Variants in NAA15 observed in about 807,000 individuals in gnomAD.
NAA15 encodes N-terminal acetyltransferase.
In NAA15, 34 loss-of-function variants were observed where a neutral mutation model predicts 114.0. The observed-to-expected ratio is 0.30, with a 90% CI of 0.23 to 0.40. The LOEUF is 0.40. Ranked by LOEUF, NAA15 falls within the 10% of genes least tolerant of loss-of-function variation. The pLI, the probability that NAA15 is intolerant of heterozygous loss-of-function variation, is 1.00. For missense variants in NAA15, 658 were observed against 1,004.5 expected (o/e 0.66, Z 4.66); for synonymous variants, 340 against 338.0 (o/e 1.01, Z -0.06).
At chr4:139,322,521 G>A (rs1031032085) in intron 1 of NAA15, among the ~76,000 whole-genome samples, 5 of 152,190 alleles carry the variant, frequency 3.3e-5, no homozygotes, top group Non-Finnish European at 5.9e-5. Context: ...GCTGAATTCT[G>A]CAGTCTTTAA....
At chr4:139,349,379 G>C in intron 6 of NAA15, 83 bp from the exon 7 acceptor site, 11 of 1,270,072 alleles carry the variant, frequency 8.7e-6, no homozygotes, top group South Asian at 1.5e-5. Flanking sequence ...GAGATTTTAA[G>C]AGAAATTTTG....
At chr4:139,380,049 AAACAAC>A (rs1309259398) in intron 17 of NAA15, among the ~76,000 whole-genome samples, 1 of 152,214 alleles carries the variant, frequency 6.6e-6, no homozygotes, top group Non-Finnish European at 1.5e-5. Context: ...CGTCTCAAAA[AAACAAC>A]AACAACATCG....
intron 18 of NAA15, among the ~76,000 whole-genome samples, chr4:139,385,294 A>ATATAT (rs1748877772): frequency 2.1e-5 from 2 of 95,234 alleles, no homozygotes; most frequent in African/African-American, 8.4e-5. Flanking sequence ...ATATATATAT[A>ATATAT]TATATAATAT....
chr4:139,344,107 A>G lies in NAA15; in HGVS notation c.538-79A>G. On this transcript the variant is annotated intron_variant, in intron 5 of 19. Coordinates refer to ENST00000296543, the MANE Select transcript of NAA15 (RefSeq NM_057175.5). ...CGGATGTTATCCTTTGACTTCTTACATGTTTTTGAGTATTGTGAACAATTT... is the reference window on the plus strand; with the variant it reads ...CGGATGTTATCCTTTGACTTCTTACGTGTTTTTGAGTATTGTGAACAATTT... 4.7e-6 allele frequency: 6 copies of G among 1,271,304 alleles called. No homozygotes were observed. The South Asian group carries it at 6.1e-5, about 13-fold the overall frequency. The allele number at this position is 1,271,304 out of a possible 1,614,324, so 78.8% of individuals were successfully genotyped here.
chr4:139,341,990 T>C (rs917800642), intron 4 of NAA15, among the ~76,000 whole-genome samples: 2 of 152,144 alleles, frequency 1.3e-5, no homozygotes, highest in African/African-American at 4.8e-5. Flanking sequence ...CCCAAAGTGC[T>C]AGGATTACGG....
chr4:139,347,334 A>T (rs72726518), intron 6 of NAA15, among the ~76,000 whole-genome samples: 13 of 152,258 alleles, frequency 8.5e-5, no homozygotes, highest in Non-Finnish European at 1.6e-4. Context: ...TGGTACAGAT[A>T]CTAAGAATAT....
intron 18 of NAA15, 137 bp from the exon 19 acceptor site, chr4:139,385,996 A>G: frequency 1.9e-6 from 1 of 517,028 alleles, no homozygotes; most frequent in Non-Finnish European, 3.5e-6. Context: ...ACAGTATCTC[A>G]AGTAGCTGTT....
chr4:139,385,904 G>A (rs1387178522), intron 18 of NAA15, among the ~76,000 whole-genome samples: 1 of 152,110 alleles, frequency 6.6e-6, no homozygotes, highest in Non-Finnish European at 1.5e-5. Context: ...ATTTTATTGG[G>A]TAGATATATG....
intron 6 of NAA15, among the ~76,000 whole-genome samples, chr4:139,346,012 TG>T (rs1241745598): frequency 6.6e-6 from 1 of 151,988 alleles, no homozygotes; most frequent in Non-Finnish European, 1.5e-5. Context: ...ACAAATGGGG[TG>T]CCGGTAGGTG....
At chr4:139,350,362 C>T (rs1195270129) in intron 7 of NAA15, among the ~76,000 whole-genome samples, 3 of 152,212 alleles carry the variant, frequency 2.0e-5, no homozygotes, top group East Asian at 3.9e-4. Context: ...GTGGCTGCAT[C>T]GAAGTGACTT....
rs567519761 is a variant in NAA15, at chr4:139,327,181, C to T, written c.55-6993C>T. On this transcript the variant is annotated intron_variant, in intron 1 of 19. Coordinates refer to ENST00000296543, the MANE Select transcript of NAA15 (RefSeq NM_057175.5). ...TGAACTCCTGGGCTCAAGCAATCCT[C>T]CTACCTTGGCCTTCCAAAGTGTTGC... 5.3e-5 allele frequency among the ~76,000 whole-genome samples: 8 copies of T among 152,294 alleles called. No homozygotes were observed. In the South Asian group the frequency reaches 1.4e-3, roughly 28 times the overall value.
At chr4:139,320,045 A>T (rs1331283597) in intron 1 of NAA15, among the ~76,000 whole-genome samples, 1 of 152,142 alleles carries the variant, frequency 6.6e-6, no homozygotes, top group East Asian at 1.9e-4. Flanking sequence ...TTCCTTGAGC[A>T]TTTTTATAGC....
At position 139,315,000 on chromosome 4, in the gene NAA15, GTTTAGT is replaced by G. The variant is rs1746341148; in HGVS notation, c.54+13172_54+13177del. ...CTAGAGAAGCGTTCAGTTCAGTTCA[GTTTAGT>G]TTAGGTTAGGTTAGGTTAGGTTAGG... On this transcript the variant is annotated intron_variant, in intron 1 of 19. Coordinates refer to ENST00000296543, the MANE Select transcript of NAA15 (RefSeq NM_057175.5). Among the ~76,000 whole-genome samples the G allele has an allele frequency of 1.9e-4, 15 of 78,792 alleles. 1 individual carries two copies. Among genetic ancestry groups the G allele is most frequent in the African/African-American group, 8.1e-4 (11 of 13,506 alleles). 51.7% of individuals were successfully genotyped at this position (78,792 alleles called of 152,430 possible). A position where few individuals can be genotyped will look rare whatever the true frequency, so the allele number is the denominator to read the frequency against.
At chr4:139,312,008 T>A (rs1746242774) in intron 1 of NAA15, among the ~76,000 whole-genome samples, 1 of 151,716 alleles carries the variant, frequency 6.6e-6, no homozygotes, top group African/African-American at 2.4e-5. Context: ...AGTGTTAGAG[T>A]TGCTTTGTGT....
Position 139,351,247 on chromosome 4 carries a change from G to A in NAA15, c.868G>A (p.Gly290Arg), listed in dbSNP as rs1174360760. The change falls in exon 8 of 20, where the codon GGA (glycine) becomes AGA (arginine). Residue 290 changes from glycine (G) to arginine (R), a missense_variant. Gly to Arg is a moderately radical substitution (Grantham distance 125). This residue lies in a region of NAA15 where 281 missense variants were observed against 389.1 expected (regional missense o/e 0.72). Transcript: ENST00000296543. ...YEEAWTKYPR[G>R]LVPRRLPLNF... is the part of the protein sequence containing the mutation. ...GGAAGCCTGGACTAAATATCCCAGG[G>A]GACTGGTGCCAAGAAGGCTGCCGTT... 6.2e-7 allele frequency: 1 copy of A among 1,610,198 alleles called. No homozygotes were observed. Among genetic ancestry groups the A allele is most frequent in the Admixed American group, 1.7e-5 (1 of 59,936 alleles).
chr4:139,351,240 TC>T lies in NAA15; in HGVS notation c.864del (p.Arg289GlyfsTer10). The T allele has an allele frequency of 6.2e-7, 1 of 1,610,320 alleles. No individual in the cohort carries two copies. Among genetic ancestry groups the T allele is most frequent in the Non-Finnish European group, 8.5e-7 (1 of 1,178,046 alleles). On this transcript the variant is annotated frameshift_variant, in exon 8 of 20. Transcript: ENST00000296543. LOFTEE classifies it high-confidence loss of function. Reference protein sequence around the residue: ...KIYEEAWTKYPRGLVPRRLPL... With the variant: ...KIYEEAWTKYXRGLVPRRLPL... The stretch of plus-strand genomic sequence containing the variant: ...TTTATGAGGAAGCCTGGACTAAATA[TC>T]CCAGGGGACTGGTGCCAAGAAGGCT...
chr4:139,337,327 G>T (rs1747231178), intron 3 of NAA15, among the ~76,000 whole-genome samples: 1 of 152,160 alleles, frequency 6.6e-6, no homozygotes. Flanking sequence ...ATAAAATAAG[G>T]AATATTAGAG....
At chr4:139,320,398 G>A (rs1746556910) in intron 1 of NAA15, among the ~76,000 whole-genome samples, 2 of 152,118 alleles carry the variant, frequency 1.3e-5, no homozygotes, top group Admixed American at 1.3e-4. Flanking sequence ...TGTGAGTAGG[G>A]TCATATTCTT....
chr4:139,346,325 T>C, intron 6 of NAA15, among the ~76,000 whole-genome samples: 1 of 152,180 alleles, frequency 6.6e-6, no homozygotes, highest in East Asian at 1.9e-4. Flanking sequence ...TATCAGCTCA[T>C]TCCACAAAAT....
Sources: allele counts gnomAD v4.1 joint callset (sites outside exome capture counted in the v4.1 genomes callset), GRCh38; gene constraint gnomAD v4.1.1; regional missense constraint gnomAD v4.1.1; transcripts MANE v1.5; gene names NCBI Gene and HGNC (gene_info 2026-07-23, HGNC 2026-07-21).